Variants in TAFA2 observed in about 807,000 individuals in gnomAD.
The protein encoded by TAFA2 is chemokine-like protein TAFA-2.
TAFA2 carries 7 observed loss-of-function variants against 18.8 expected under a neutral mutation model. The observed-to-expected ratio is 0.37, with a 90% CI of 0.21 to 0.70. The LOEUF (loss-of-function observed/expected upper bound fraction) is 0.70. TAFA2 is among the 30% of genes least tolerant of loss of function. The probability of loss-of-function intolerance (pLI) is 0.53; values close to 1 mark genes in which losing one functional copy is unlikely to be tolerated. For synonymous variants in TAFA2, 60 were observed against 54.2 expected (o/e 1.11, Z -0.47); for missense variants, 122 against 158.1 (o/e 0.77, Z 1.23).
At chr12:62,235,371 G>A in intron 1 of TAFA2, 1 of 653,158 alleles carries the variant, frequency 1.5e-6, no homozygotes, top group Admixed American at 2.4e-5. Context: ...GTTCCAAGAG[G>A]TGTGCACTCC....
rs776778644 is a variant in TAFA2 at position 61,753,673 on chromosome 12, C to A, written c.333G>T (p.Pro111=). 8 of 1,612,420 alleles carry A rather than the reference C, an allele frequency of 5.0e-6. 1 individual carries two copies. The highest frequency in any genetic ancestry group is 2.7e-5 in the African/African-American group (2 of 74,834). ...AGGAACAGCTCCATCCTTTCCGATC[C>A]GGAAGAACTTTACATTCTTCTCCCT... ...CLEGEECKVL[P]DRKGWSCSSG... Residue 111 remains proline (P), a synonymous_variant, in exon 4 of 5, where the codon CCG becomes CCT. Transcript: ENST00000416284.
chr12:62,258,605 T>C (rs2062954491), intron 1 of TAFA2: 1 of 209,614 alleles, frequency 4.8e-6, no homozygotes, highest in African/African-American at 2.4e-5. Flanking sequence ...AATACTAGTG[T>C]TTATTGAATG....
intron 1 of TAFA2, among the ~76,000 whole-genome samples, chr12:62,172,855 C>T (rs1435899408): frequency 6.6e-6 from 1 of 152,164 alleles, no homozygotes; most frequent in Non-Finnish European, 1.5e-5. Context: ...AATGCTTTGC[C>T]TTTAAATTCA....
In TAFA2 at chr12:61,869,733, C is replaced by T. The variant is rs549760144; in HGVS notation, c.-1-2307G>A. Among the ~76,000 whole-genome samples the T allele has an allele frequency of 1.5e-3, 231 of 152,298 alleles. 1 individual carries two copies. The highest frequency in any genetic ancestry group is 2.2e-3 in the Non-Finnish European group (151 of 68,004). On this transcript the variant is annotated intron_variant, in intron 1 of 4. Coordinates refer to ENST00000416284, the MANE Select transcript of TAFA2 (RefSeq NM_178539.5). ...AACTTATTCTCAGTAAACCAAATGT[C>T]ATTTTAAATCTTCCGTTCTATTGCC...
chr12:61,911,506 C>G (rs1484669113), intron 1 of TAFA2, among the ~76,000 whole-genome samples: 1 of 152,152 alleles, frequency 6.6e-6, no homozygotes, highest in African/African-American at 2.4e-5. Flanking sequence ...TTAGTTTCAC[C>G]TAGGCTACAA....
chr12:62,161,069 C>G (rs767167156), intron 1 of TAFA2, among the ~76,000 whole-genome samples: 10 of 152,284 alleles, frequency 6.6e-5, no homozygotes, highest in Non-Finnish European at 8.8e-5. Flanking sequence ...TGAGCCTACT[C>G]TATTTGTTAT....
chr12:61,953,571 T>C (rs1878542402), intron 1 of TAFA2, among the ~76,000 whole-genome samples: 1 of 99,566 alleles, frequency 1.0e-5, no homozygotes, highest in South Asian at 4.3e-4. Context: ...TACATTTTTG[T>C]GGGATTTTAA....
intron 1 of TAFA2, among the ~76,000 whole-genome samples, chr12:62,099,444 A>T (rs768313232): frequency 6.6e-6 from 1 of 152,172 alleles, no homozygotes; most frequent in Non-Finnish European, 1.5e-5. Context: ...ACTAGAAAAC[A>T]AATAGTTTTG....
At chr12:61,779,933 G>C (rs1430160526) in intron 2 of TAFA2, among the ~76,000 whole-genome samples, 1 of 151,698 alleles carries the variant, frequency 6.6e-6, no homozygotes, top group Admixed American at 6.6e-5. Flanking sequence ...TATTAATGAA[G>C]AGACTGCAGC....
chr12:62,064,216 G>T (rs1882428212), intron 1 of TAFA2, among the ~76,000 whole-genome samples: 1 of 151,942 alleles, frequency 6.6e-6, no homozygotes, highest in Non-Finnish European at 1.5e-5. Context: ...CCCAACAATT[G>T]TAAACACTAT....
chr12:62,037,817 G>T (rs17125712), intron 1 of TAFA2, among the ~76,000 whole-genome samples: 19 of 152,030 alleles, frequency 1.2e-4, no homozygotes, highest in African/African-American at 4.3e-4. Flanking sequence ...TTATTTTACC[G>T]CCTGACAGAT....
intron 1 of TAFA2, among the ~76,000 whole-genome samples, chr12:61,943,997 A>C (rs1878154924): frequency 7.2e-6 from 1 of 138,508 alleles, no homozygotes; most frequent in Admixed American, 7.3e-5. Context: ...TCAACAGAAT[A>C]TACATTTTTT....
At chr12:61,949,902 C>T (rs1464314625) in intron 1 of TAFA2, among the ~76,000 whole-genome samples, 1 of 152,062 alleles carries the variant, frequency 6.6e-6, no homozygotes, top group Non-Finnish European at 1.5e-5. Context: ...AACTCCATAC[C>T]TAGTAATCAA....
At chr12:62,002,013 G>C (rs1242341821) in intron 1 of TAFA2, among the ~76,000 whole-genome samples, 1 of 152,048 alleles carries the variant, frequency 6.6e-6, no homozygotes, top group East Asian at 1.9e-4. Flanking sequence ...CACCAACCTG[G>C]AGGACCTTAA....
intron 1 of TAFA2, among the ~76,000 whole-genome samples, chr12:62,013,103 C>T (rs2136716588): frequency 6.6e-6 from 1 of 152,190 alleles, no homozygotes; most frequent in African/African-American, 2.4e-5. Context: ...TATTATTGAA[C>T]ATTCGTAGTT....
At chr12:61,975,828 A>G (rs1376078636) in intron 1 of TAFA2, among the ~76,000 whole-genome samples, 1 of 151,716 alleles carries the variant, frequency 6.6e-6, no homozygotes, top group Non-Finnish European at 1.5e-5. Flanking sequence ...AGTTAATAAC[A>G]ATGTATTATA....
Position 61,902,613 on chromosome 12 carries a change from A to C in TAFA2, c.-1-35187T>G, listed in dbSNP as rs114527038. Reference sequence around the variant, plus strand: ...CCGGCTGACCTCTGATGGTTATTGCAGCACCTCAGGCCCTGTTAGAGCCTT... The same window carrying C: ...CCGGCTGACCTCTGATGGTTATTGCCGCACCTCAGGCCCTGTTAGAGCCTT... On this transcript the variant is annotated intron_variant, in intron 1 of 4. Transcript: ENST00000416284. 3.4e-3 allele frequency among the ~76,000 whole-genome samples: 512 copies of C among 152,236 alleles called. 6 individuals carry two copies. The highest frequency in any genetic ancestry group is 0.012 in the African/African-American group (495 of 41,524).
chr12:62,072,300 T>C (rs1197972206), intron 1 of TAFA2, among the ~76,000 whole-genome samples: 1 of 151,262 alleles, frequency 6.6e-6, no homozygotes, highest in Non-Finnish European at 1.5e-5. Context: ...CCATCTCTAC[T>C]AAAAATAAAA....
chr12:62,100,015 G>T (rs1048033603), intron 1 of TAFA2, among the ~76,000 whole-genome samples: 7 of 151,930 alleles, frequency 4.6e-5, no homozygotes, highest in African/African-American at 1.7e-4. Flanking sequence ...AAGTCTCAAG[G>T]ATAATTATCA....
Sources: gnomAD v4.1 joint callset for allele counts (sites outside exome capture counted in the v4.1 genomes callset) on GRCh38, gnomAD v4.1.1 for gene constraint, MANE v1.5 for transcripts, NCBI Gene and HGNC (gene_info 2026-07-23, HGNC 2026-07-21) for gene names.